Variants in STK3 observed in about 807,000 individuals in gnomAD.
The protein encoded by STK3 is serine/threonine-protein kinase 3.
Under a neutral mutation model 58.0 loss-of-function variants are expected in STK3, and 41 were observed. That is an observed-to-expected ratio of 0.71 (90% confidence interval 0.55 to 0.92). The LOEUF (loss-of-function observed/expected upper bound fraction) is 0.92, where lower values mean the gene tolerates loss of function less well. Among genes scored for constraint, STK3 ranks in the 40% least tolerant of loss-of-function variants. STK3 has a pLI of 0.00. For missense variants in STK3, 479 were observed against 602.7 expected, an observed-to-expected ratio of 0.79 and a Z score of 2.15; for synonymous variants, 170 against 191.0, an observed-to-expected ratio of 0.89 and a Z score of 0.91.
At chr8:98,521,399 A>G (rs1217505117) in intron 10 of STK3, among the ~76,000 whole-genome samples, 6 of 151,774 alleles carry the variant, frequency 4.0e-5, no homozygotes. Context: ...TATTTCAGCT[A>G]TTTCTGTTAA....
intron 4 of STK3, among the ~76,000 whole-genome samples, chr8:98,738,743 A>T (rs901643752): frequency 6.6e-6 from 1 of 152,202 alleles, no homozygotes; most frequent in Non-Finnish European, 1.5e-5. Flanking sequence ...TGGGCGCAGG[A>T]CAGTGGGTGC....
chr8:98,543,549 G>A (rs182017225), intron 9 of STK3, among the ~76,000 whole-genome samples: 171 of 152,224 alleles, frequency 1.1e-3, no homozygotes, highest in African/African-American at 3.8e-3. Context: ...AGGAAGAAAC[G>A]GAAATTAAGA....
At chr8:98,397,031 A>C (rs1204838374), downstream of STK3, among the ~76,000 whole-genome samples, 1 of 152,220 alleles carries the variant, frequency 6.6e-6, no homozygotes, top group African/African-American at 2.4e-5. Context: ...CTAATTACCG[A>C]AGGTCAAATT....
chr8:98,393,393 A>G (rs956464919), intron 3 of STK3, among the ~76,000 whole-genome samples: 1 of 151,528 alleles, frequency 6.6e-6, no homozygotes, highest in African/African-American at 2.4e-5. Context: ...ATAGTCCTTC[A>G]CTCCTTCTTG....
At chr8:98,902,308 T>C (rs1247113235) in intron 1 of STK3, among the ~76,000 whole-genome samples, 1 of 152,210 alleles carries the variant, frequency 6.6e-6, no homozygotes, top group Non-Finnish European at 1.5e-5. Context: ...GCTCTAGACC[T>C]ATTTGTCCAA....
rs181595020 is a variant in STK3, at chr8:98,741,032, C to T, written c.351+8244G>A. Among the ~76,000 whole-genome samples, 7 of 152,282 alleles carry T rather than the reference C, an allele frequency of 4.6e-5. No homozygotes were observed. In the East Asian group the frequency reaches 1.4e-3, roughly 29 times the overall value. On this transcript the variant is annotated intron_variant, in intron 4 of 10. Transcript: ENST00000419617. ...CATAATGGTAGAGGGATCAATTCAA[C>T]AAGAAGAGCTAACTATCCTAAACAT... is the stretch of plus-strand genomic sequence containing the variant.
At chr8:98,590,101 A>G (rs897709181) in intron 7 of STK3, among the ~76,000 whole-genome samples, 2 of 152,206 alleles carry the variant, frequency 1.3e-5, no homozygotes, top group Non-Finnish European at 2.9e-5. Context: ...AGCTGTTCCT[A>G]TTCGGCCATC....
At position 98,526,797 on chromosome 8, in the gene STK3, G is replaced by C; in HGVS notation, c.1262C>G (p.Ser421Cys). 6.3e-7 allele frequency: 1 copy of C among 1,587,472 alleles called. No homozygotes were observed. Among genetic ancestry groups the C allele is most frequent in the Non-Finnish European group, 8.6e-7 (1 of 1,164,750 alleles). Residue 421 changes from serine to cysteine, a missense_variant, in exon 10 of 11, where the codon TCC becomes TGC. Transcript: ENST00000419617. ...CCAGTTATCAGGAAAAACGTTTTTGGACATAGGGAAGGGTTCATGCATGTT... is the reference window on the plus strand; with the variant it reads ...CCAGTTATCAGGAAAAACGTTTTTGCACATAGGGAAGGGTTCATGCATGTT... ...NQNMHEPFPM[S>C]KNVFPDNWKV...
intron 3 of STK3, among the ~76,000 whole-genome samples, chr8:98,869,169 C>T (rs113094460): frequency 0.018 from 2,778 of 152,128 alleles, 82 homozygotes; most frequent in African/African-American, 0.064. Flanking sequence ...GCCCGTAGTC[C>T]CAGCACTTTA....
At chr8:98,769,278 T>A (rs1451247174) in intron 2 of STK3, among the ~76,000 whole-genome samples, 1 of 152,186 alleles carries the variant, frequency 6.6e-6, no homozygotes, top group Non-Finnish European at 1.5e-5. Context: ...ATCTTGTAGC[T>A]CCCATAATTC....
At chr8:98,503,321 G>A (rs150861729) in intron 10 of STK3, among the ~76,000 whole-genome samples, 5 of 151,672 alleles carry the variant, frequency 3.3e-5, no homozygotes, top group Non-Finnish European at 7.4e-5. Context: ...CTTGCTAGCA[G>A]TCTATTTTAT....
chr8:98,933,645 T>G (rs1840085241), intron 1 of STK3, among the ~76,000 whole-genome samples: 1 of 152,134 alleles, frequency 6.6e-6, no homozygotes, highest in Non-Finnish European at 1.5e-5. Context: ...TCAGTGTCAC[T>G]CCAGATGTTT....
At chr8:98,550,070 T>C (rs754176533) in intron 8 of STK3, among the ~76,000 whole-genome samples, 8 of 150,666 alleles carry the variant, frequency 5.3e-5, no homozygotes, top group Non-Finnish European at 8.8e-5. Flanking sequence ...CGGAAATTCA[T>C]TTATATTTAT....
At chr8:98,629,178 T>C (rs543654271) in intron 6 of STK3, among the ~76,000 whole-genome samples, 4 of 152,316 alleles carry the variant, frequency 2.6e-5, no homozygotes, top group South Asian at 4.1e-4. Context: ...CTAATCTCTT[T>C]AGTATGATAG....
At chr8:98,823,978 AT>A (rs1417549130) in intron 1 of STK3, among the ~76,000 whole-genome samples, 1 of 152,212 alleles carries the variant, frequency 6.6e-6, no homozygotes, top group African/African-American at 2.4e-5. Flanking sequence ...ATAGCCTTCC[AT>A]GTGGCAAACT....
intron 10 of STK3, among the ~76,000 whole-genome samples, chr8:98,470,942 G>A (rs1304480522): frequency 1.3e-5 from 2 of 152,130 alleles, no homozygotes; most frequent in Non-Finnish European, 2.9e-5. Context: ...TGGTAAAAGT[G>A]GAAGCAGTAC....
At chr8:98,583,654 T>A (rs1814140981) in intron 7 of STK3, among the ~76,000 whole-genome samples, 2 of 152,212 alleles carry the variant, frequency 1.3e-5, no homozygotes, top group Admixed American at 1.3e-4. Context: ...GGTTATTTCC[T>A]TGAGAATACA....
chr8:98,357,902 G>A, the STK3 span, among the ~76,000 whole-genome samples: 1 of 152,152 alleles, frequency 6.6e-6, no homozygotes, highest in Non-Finnish European at 1.5e-5. Flanking sequence ...GCATGGAAAT[G>A]TCAGATGTAC....
intron 1 of STK3, among the ~76,000 whole-genome samples, chr8:98,920,751 G>A (rs1292575341): frequency 6.6e-6 from 1 of 152,238 alleles, no homozygotes; most frequent in Non-Finnish European, 1.5e-5. Context: ...CCCTGGAGAA[G>A]CAGGGCAAGA....
Sources: gnomAD v4.1 joint callset for allele counts (sites outside exome capture counted in the v4.1 genomes callset) on GRCh38, gnomAD v4.1.1 for gene constraint, MANE v1.5 for transcripts, NCBI Gene and HGNC (gene_info 2026-07-23, HGNC 2026-07-21) for gene names.